Variants in CYB5B observed in about 807,000 individuals in gnomAD.
CYB5B encodes cytochrome b5 type B (outer mitochondrial membrane).
Under a neutral mutation model 21.3 loss-of-function variants are expected in CYB5B, and 14 were observed. The observed-to-expected ratio is 0.66, with a 90% confidence interval of 0.43 to 1.03. CYB5B has a LOEUF of 1.03. CYB5B is among the 50% of genes least tolerant of loss of function. The pLI, the probability that CYB5B is intolerant of heterozygous loss-of-function variation, is 0.00. For synonymous variants in CYB5B, 69 were observed against 68.4 expected, an observed-to-expected ratio of 1.01 and a Z score of -0.04; for missense variants, 166 against 185.1, an observed-to-expected ratio of 0.90 and a Z score of 0.60.
At chr16:69,428,627 G>C (rs1317804122) in intron 1 of CYB5B, among the ~76,000 whole-genome samples, 1 of 152,000 alleles carries the variant, frequency 6.6e-6, no homozygotes, top group African/African-American at 2.4e-5. Context: ...CTGAACTCCA[G>C]TCTGGTGATA....
At chr16:69,432,266 A>G (rs1373187657) in intron 1 of CYB5B, among the ~76,000 whole-genome samples, 2 of 152,204 alleles carry the variant, frequency 1.3e-5, no homozygotes, top group African/African-American at 4.8e-5. Context: ...GCTTGACTTA[A>G]AATTTTTTGA....
chr16:69,461,554 G>T (rs886606667), intron 4 of CYB5B, among the ~76,000 whole-genome samples: 9 of 152,152 alleles, frequency 5.9e-5, no homozygotes, highest in African/African-American at 2.2e-4. Flanking sequence ...AGACTCATAT[G>T]TCTTAAGTAG....
rs2015067078 is a variant in CYB5B at position 69,464,449 on chromosome 16, G to T, written c.*1929G>T. On this transcript the variant is annotated 3_prime_UTR_variant, in exon 5 of 5. Coordinates refer to ENST00000307892, the MANE Select transcript of CYB5B (RefSeq NM_030579.3). ...TTGATGCTTCTCTATTTAAAGGCAA[G>T]GAAGGATTGGTATATGATTGCCTGT... 6.6e-6 allele frequency: 1 copy of T among 152,160 alleles called. No homozygotes were observed. Among genetic ancestry groups the T allele is most frequent in the Admixed American group, 6.6e-5 (1 of 15,260 alleles). 9.4% of individuals were successfully genotyped at this position (152,160 alleles called of 1,614,324 possible). A position where few individuals can be genotyped will look rare whatever the true frequency, so the allele number is the denominator to read the frequency against.
At chr16:69,439,209 G>T (rs1160817627) in intron 1 of CYB5B, among the ~76,000 whole-genome samples, 1 of 152,116 alleles carries the variant, frequency 6.6e-6, no homozygotes, top group East Asian at 1.9e-4. Flanking sequence ...ATCATTTGTT[G>T]AAAAGACTGT....
intron 3 of CYB5B, chr16:69,450,301 A>G (rs945229795): frequency 6.6e-6 from 1 of 152,082 alleles, no homozygotes; most frequent in African/African-American, 2.4e-5. Flanking sequence ...AAAGCATTTA[A>G]GCTCACCAAG....
chr16:69,444,665 GA>G (rs34870436), intron 1 of CYB5B, among the ~76,000 whole-genome samples: 102 of 142,650 alleles, frequency 7.2e-4, no homozygotes, highest in Middle Eastern at 3.6e-3. Context: ...TTGCTTCAGT[GA>G]AAAAAAAAAA....
intron 1 of CYB5B, among the ~76,000 whole-genome samples, chr16:69,427,780 G>C (rs546317898): frequency 6.6e-6 from 1 of 152,108 alleles, no homozygotes; most frequent in Non-Finnish European, 1.5e-5. Context: ...CAGATCATGA[G>C]GTAAGGAGTT....
chr16:69,449,589 G>A (rs1156626524), intron 3 of CYB5B: 1 of 152,202 alleles, frequency 6.6e-6, no homozygotes, highest in African/African-American at 2.4e-5. Context: ...TGGTAGTACA[G>A]TTAGGACCAT....
intron 1 of CYB5B, among the ~76,000 whole-genome samples, chr16:69,426,995 T>C (rs1407357625): frequency 2.6e-5 from 4 of 152,210 alleles, no homozygotes; most frequent in Non-Finnish European, 4.4e-5. Context: ...ATCCCAGCAC[T>C]TTTGGAGGCA....
rs113477024 is a variant in CYB5B at position 69,447,279 on chromosome 16, G to A, written c.303+1G>A. 1 of 1,613,052 alleles carries A rather than the reference G, an allele frequency of 6.2e-7. No individual in the cohort carries two copies. The highest frequency in any genetic ancestry group is 8.5e-7 in the Non-Finnish European group (1 of 1,179,684). ...GTACTACATTGGTGATATCCATCCG[G>A]TAAGAACTATCAGAGATGGGAGCCC... On this transcript the variant is annotated splice_donor_variant, in intron 2 of 4. Coordinates refer to ENST00000307892, the MANE Select transcript of CYB5B (RefSeq NM_030579.3). LOFTEE classifies it high-confidence loss of function.
chr16:69,457,853 CTCATT>C (rs138281999), intron 3 of CYB5B, among the ~76,000 whole-genome samples: 6 of 152,292 alleles, frequency 3.9e-5, no homozygotes, highest in Non-Finnish European at 8.8e-5. Flanking sequence ...GAAATTAAAA[CTCATT>C]TCATGGACTG....
chr16:69,440,467 C>G (rs1305330663), intron 1 of CYB5B, among the ~76,000 whole-genome samples: 1 of 152,122 alleles, frequency 6.6e-6, no homozygotes, highest in Admixed American at 6.5e-5. Context: ...CCAGAGGTAC[C>G]CACTGTATTA....
chr16:69,438,810 A>T (rs2014788885), intron 1 of CYB5B, among the ~76,000 whole-genome samples: 1 of 152,084 alleles, frequency 6.6e-6, no homozygotes, highest in South Asian at 2.1e-4. Context: ...TTTAAATTGG[A>T]GTGTCTTTAT....
At chr16:69,435,253 A>G (rs1240454713) in intron 1 of CYB5B, among the ~76,000 whole-genome samples, 1 of 152,218 alleles carries the variant, frequency 6.6e-6, no homozygotes, top group Non-Finnish European at 1.5e-5. Flanking sequence ...ATGCATATAT[A>G]GACTTATTAT....
chr16:69,464,179 C>T lies in CYB5B; in HGVS notation c.*1659C>T, dbSNP rs528789634. On this transcript the variant is annotated 3_prime_UTR_variant, in exon 5 of 5. Coordinates refer to ENST00000307892, the MANE Select transcript of CYB5B (RefSeq NM_030579.3). ...ATTTAAGAAAAAGTTCAACCCAGGT[C>T]TTGTATCCTGTGATTTAGCAGTTGA... 1 of 152,246 alleles carries T rather than the reference C, an allele frequency of 6.6e-6. No homozygotes were observed. The highest frequency in any genetic ancestry group is 6.5e-5 in the Admixed American group (1 of 15,290). 9.4% of individuals were successfully genotyped at this position (152,246 alleles called of 1,614,324 possible).
chr16:69,439,288 G>A (rs1307176876), intron 1 of CYB5B, among the ~76,000 whole-genome samples: 1 of 152,162 alleles, frequency 6.6e-6, no homozygotes, highest in Non-Finnish European at 1.5e-5. Context: ...TTGGCTCACT[G>A]CAACCTCCGC....
intron 1 of CYB5B, among the ~76,000 whole-genome samples, chr16:69,432,819 CAG>C (rs1256364188): frequency 6.6e-6 from 1 of 151,444 alleles, no homozygotes; most frequent in African/African-American, 2.4e-5. Context: ...TTTTTTGAGA[CAG>C]AGTCTCGTTC....
chr16:69,459,070 A>T (rs1047008157), intron 3 of CYB5B, 23 bp from the exon 4 acceptor site: 13 of 1,368,538 alleles, frequency 9.5e-6, no homozygotes, highest in South Asian at 4.0e-5. Context: ...TTATTTTTGA[A>T]TTTTTTTTTT....
intron 1 of CYB5B, among the ~76,000 whole-genome samples, chr16:69,444,718 T>C (rs1184267073): frequency 6.6e-6 from 1 of 151,932 alleles, no homozygotes; most frequent in Admixed American, 6.6e-5. Flanking sequence ...GAATTCACTT[T>C]GTGAGAACAC....
Sources: gnomAD v4.1 joint callset for allele counts (sites outside exome capture counted in the v4.1 genomes callset) on GRCh38, gnomAD v4.1.1 for gene constraint, MANE v1.5 for transcripts, NCBI Gene and HGNC (gene_info 2026-07-23, HGNC 2026-07-21) for gene names.